Variants in ANKRD30B observed in about 807,000 individuals in gnomAD.
ANKRD30B encodes ankyrin repeat domain 30B, also known as ankyrin repeat domain-containing protein 30B.
Under a neutral mutation model 202.2 loss-of-function variants are expected in ANKRD30B, and 144 were observed. The observed-to-expected ratio is 0.71, with a 90% CI of 0.62 to 0.82. The LOEUF is 0.82. ANKRD30B is among the 40% of genes least tolerant of loss of function. The pLI is 0.00. For synonymous variants in ANKRD30B, 508 were observed against 561.3 expected (o/e 0.91, Z 1.34); for missense variants, 1,487 against 1,669.1 (o/e 0.89, Z 1.90).
chr18:14,880,997 G>T, the ANKRD30B span, among the ~76,000 whole-genome samples: 1 of 152,124 alleles, frequency 6.6e-6, no homozygotes, highest in Non-Finnish European at 1.5e-5. Flanking sequence ...GGAGTCCGTA[G>T]GGTTCTCAAG....
the ANKRD30B span, among the ~76,000 whole-genome samples, chr18:14,868,773 C>T: frequency 1.3e-5 from 2 of 152,414 alleles, no homozygotes; most frequent in Middle Eastern, 6.8e-3. Flanking sequence ...GAAAGTGGAA[C>T]CTTAGGCCAC....
intron 39 of ANKRD30B, among the ~76,000 whole-genome samples, chr18:14,845,718 C>G (rs905494597): frequency 1.7e-4 from 26 of 151,962 alleles, no homozygotes; most frequent in African/African-American, 6.0e-4. Context: ...AGCTTATCAA[C>G]AACATAAATT....
the ANKRD30B span, among the ~76,000 whole-genome samples, chr18:14,935,552 C>T: frequency 2.0e-5 from 3 of 152,206 alleles, no homozygotes; most frequent in Admixed American, 2.0e-4. Context: ...TGTGGTGTGA[C>T]AGGTTTATGT....
At chr18:14,916,110 T>C in the ANKRD30B span, among the ~76,000 whole-genome samples, 1 of 152,154 alleles carries the variant, frequency 6.6e-6, no homozygotes, top group Non-Finnish European at 1.5e-5. Flanking sequence ...GAGTAAATGG[T>C]TATGCTCTTG....
At chr18:14,823,766 G>A (rs1464603062) in intron 32 of ANKRD30B, among the ~76,000 whole-genome samples, 2 of 152,130 alleles carry the variant, frequency 1.3e-5, no homozygotes, top group African/African-American at 4.8e-5. Context: ...TGAAGGTTAG[G>A]AGTTCCAGAC....
intron 36 of ANKRD30B, among the ~76,000 whole-genome samples, chr18:14,838,746 T>C (rs1222579265): frequency 2.0e-5 from 3 of 152,232 alleles, no homozygotes; most frequent in African/African-American, 7.2e-5. Context: ...CTATGGGAAC[T>C]TGGAAAAAAA....
intron 22 of ANKRD30B, among the ~76,000 whole-genome samples, chr18:14,799,734 T>A (rs757008482): frequency 1.4e-4 from 21 of 151,602 alleles, no homozygotes; most frequent in Non-Finnish European, 1.0e-4. Context: ...TTTTTCTGAT[T>A]AGGTGACTGA....
At chr18:14,882,556 C>A in the ANKRD30B span, among the ~76,000 whole-genome samples, 1 of 152,056 alleles carries the variant, frequency 6.6e-6, no homozygotes, top group Non-Finnish European at 1.5e-5. Flanking sequence ...ATTCCATGTG[C>A]TGTTGAATAG....
the ANKRD30B span, among the ~76,000 whole-genome samples, chr18:14,865,091 T>A: frequency 1.3e-5 from 2 of 151,306 alleles, no homozygotes; most frequent in East Asian, 3.9e-4. Context: ...CACTTTCTAT[T>A]CTCCTCCCAC....
Position 14,814,722 on chromosome 18 carries a change from T to C in ANKRD30B, c.2641+11T>C, listed in dbSNP as rs1332135885. The C allele has an allele frequency of 2.1e-6, 2 of 936,582 alleles. 1 individual carries two copies. The allele number at this position is 936,582 out of a possible 1,614,324, so 58.0% of individuals were successfully genotyped here. On this transcript the variant is annotated intron_variant, in intron 30 of 43. Transcript: ENST00000690538. ...GTGGAAAATTAGAAGGTAAGAACCATATTTTATTTAAAAAGTCATTTGACC... is the reference window on the plus strand; with the variant it reads ...GTGGAAAATTAGAAGGTAAGAACCACATTTTATTTAAAAAGTCATTTGACC...
chr18:14,873,543 AAAG>A, the ANKRD30B span, among the ~76,000 whole-genome samples: 3 of 151,494 alleles, frequency 2.0e-5, no homozygotes, highest in African/African-American at 7.3e-5. Context: ...AAAAAAAAAA[AAAG>A]AGAGAATTTG....
At chr18:14,908,727 G>A in the ANKRD30B span, among the ~76,000 whole-genome samples, 1 of 152,188 alleles carries the variant, frequency 6.6e-6, no homozygotes, top group Non-Finnish European at 1.5e-5. Flanking sequence ...CTGAGTGACT[G>A]AGTGAATGAG....
chr18:14,872,994 T>C, the ANKRD30B span, among the ~76,000 whole-genome samples: 1 of 152,098 alleles, frequency 6.6e-6, no homozygotes, highest in Admixed American at 6.6e-5. Context: ...GATGTAGAGT[T>C]GCCACATGGA....
At chr18:14,789,632 A>G (rs1968328547) in intron 15 of ANKRD30B, among the ~76,000 whole-genome samples, 1 of 152,192 alleles carries the variant, frequency 6.6e-6, no homozygotes, top group African/African-American at 2.4e-5. Context: ...TCCCAGCACC[A>G]TTTATTAAAT....
intron 15 of ANKRD30B, among the ~76,000 whole-genome samples, chr18:14,788,135 A>G (rs1395628117): frequency 6.6e-6 from 1 of 152,226 alleles, no homozygotes; most frequent in African/African-American, 2.4e-5. Context: ...TTCTATGACC[A>G]TGAATATTTT....
the ANKRD30B span, among the ~76,000 whole-genome samples, chr18:14,931,726 T>A: frequency 6.6e-6 from 1 of 152,194 alleles, no homozygotes; most frequent in African/African-American, 2.4e-5. Flanking sequence ...TTAGGCGAAG[T>A]ACAGCCCCTT....
At chr18:14,810,687 T>C (rs1415938932) in intron 28 of ANKRD30B, among the ~76,000 whole-genome samples, 1 of 151,166 alleles carries the variant, frequency 6.6e-6, no homozygotes, top group Non-Finnish European at 1.5e-5. Context: ...GACTCTTTGC[T>C]AGACACACTG....
At chr18:14,931,992 ACCCCACC>A in the ANKRD30B span, among the ~76,000 whole-genome samples, 1 of 20,256 alleles carries the variant, frequency 4.9e-5, no homozygotes, top group Non-Finnish European at 9.3e-5. Context: ...CAGGCCCCCC[ACCCCACC>A]TCCCACCTCC....
intron 24 of ANKRD30B, among the ~76,000 whole-genome samples, chr18:14,804,465 G>A (rs1359605915): frequency 2.1e-5 from 3 of 145,956 alleles, no homozygotes; most frequent in Admixed American, 6.8e-5. Flanking sequence ...TTAGAAAACC[G>A]TCTGAAAACC....
Sources: allele counts gnomAD v4.1 joint callset (sites outside exome capture counted in the v4.1 genomes callset), GRCh38; gene constraint gnomAD v4.1.1; transcripts MANE v1.5; gene names NCBI Gene and HGNC (gene_info 2026-07-23, HGNC 2026-07-21).